The following PDZRN3 variants were observed in gnomAD, a reference collection of about 807,000 sequenced individuals.
PDZRN3 encodes the protein PDZ domain containing ring finger 3, also known as E3 ubiquitin-protein ligase PDZRN3.
In PDZRN3, 38 loss-of-function variants were observed where a neutral mutation model predicts 85.7. That is an observed-to-expected ratio of 0.44 (90% confidence interval 0.34 to 0.58). The LOEUF (loss-of-function observed/expected upper bound fraction) is 0.58, where lower values mean the gene tolerates loss of function less well. Ranked by LOEUF, PDZRN3 falls within the 20% of genes least tolerant of loss-of-function variation. The probability of loss-of-function intolerance (pLI) is 0.01; values close to 1 mark genes in which losing one functional copy is unlikely to be tolerated. For synonymous variants in PDZRN3, 759 were observed against 638.0 expected, an observed-to-expected ratio of 1.19 and a Z score of -2.86; for missense variants, 1,629 against 1,506.4, an observed-to-expected ratio of 1.08 and a Z score of -1.35.
At position 73,571,557 on chromosome 3, in the gene PDZRN3, C is replaced by T. The variant is rs897928338; in HGVS notation, c.918+30797G>A. Among the ~76,000 whole-genome samples, 18 of 152,292 alleles carry T rather than the reference C, an allele frequency of 1.2e-4. No individual in the cohort carries two copies. In the South Asian group the frequency reaches 3.1e-3, roughly 26 times the overall value. On this transcript the variant is annotated intron_variant, in intron 3 of 9. Transcript: ENST00000263666. ...CAAGGGTAAAATCCTTAAGTAAACA[C>T]GTTCCACAGGGGCTGTGCTAAAGTA...
chr3:73,576,751 TA>T (rs1250567156), intron 3 of PDZRN3, among the ~76,000 whole-genome samples: 1 of 152,208 alleles, frequency 6.6e-6, no homozygotes, highest in Non-Finnish European at 1.5e-5. Context: ...CCCTGTGTGC[TA>T]AAAAAGTGGG....
intron 3 of PDZRN3, chr3:73,474,649 T>C (rs1575678185): frequency 2.6e-6 from 3 of 1,175,586 alleles, no homozygotes; most frequent in African/African-American, 3.2e-5. Flanking sequence ...GTGGCAAGGG[T>C]GTACACTTTT....
At chr3:73,525,788 C>A (rs907989801) in intron 3 of PDZRN3, among the ~76,000 whole-genome samples, 2 of 152,152 alleles carry the variant, frequency 1.3e-5, no homozygotes, top group African/African-American at 4.8e-5. Flanking sequence ...ACCCCCTCAG[C>A]GAGGGCTTCC....
chr3:73,419,224 G>C (rs1170875580), intron 3 of PDZRN3, among the ~76,000 whole-genome samples: 2 of 152,200 alleles, frequency 1.3e-5, no homozygotes, highest in Non-Finnish European at 1.5e-5. Flanking sequence ...GTTTTTCAGA[G>C]AGAGAGAGGG....
Position 73,384,064 on chromosome 3 carries a change from G to A in PDZRN3, c.2502C>T (p.Pro834=). The change falls in exon 10 of 10, where the codon CCC becomes CCT. Residue 834 remains proline (P), a synonymous_variant. Transcript: ENST00000263666. ...TGGCTCTCCGCTCTTTGCTTTCCAG[G>A]GGCTGGTTGGGGTCCAGCTCCTTCA... ...PSLKELDPNQ[P]LESKERRASD... 2 of 1,608,994 alleles carry A rather than the reference G, an allele frequency of 1.2e-6. No individual in the cohort carries two copies. The highest frequency in any genetic ancestry group is 1.7e-6 in the Non-Finnish European group (2 of 1,177,766).
chr3:73,425,006 C>A (rs1702283294), intron 3 of PDZRN3, among the ~76,000 whole-genome samples: 1 of 147,694 alleles, frequency 6.8e-6, no homozygotes, highest in East Asian at 2.1e-4. Context: ...CTCATCCACT[C>A]ATCCATCAGT....
intron 3 of PDZRN3, among the ~76,000 whole-genome samples, chr3:73,520,190 G>C (rs1704330536): frequency 2.0e-5 from 3 of 152,036 alleles, no homozygotes. Flanking sequence ...ATATCTTTGG[G>C]GCTGCTAATT....
chr3:73,447,798 C>T (rs1191506022), intron 3 of PDZRN3, among the ~76,000 whole-genome samples: 1 of 152,202 alleles, frequency 6.6e-6, no homozygotes, highest in Non-Finnish European at 1.5e-5. Flanking sequence ...CTAAAGACCA[C>T]CACCTGCCTT....
At chr3:73,569,051 A>G (rs998732827) in intron 3 of PDZRN3, 3 of 585,340 alleles carry the variant, frequency 5.1e-6, no homozygotes, top group Non-Finnish European at 8.6e-6. Flanking sequence ...CTGAGGTCCT[A>G]TGAAGTAAAA....
intron 8 of PDZRN3, among the ~76,000 whole-genome samples, chr3:73,386,455 A>G (rs1701389699): frequency 6.6e-6 from 1 of 151,892 alleles, no homozygotes. Context: ...CAGCCTCCCA[A>G]CATGCTGGGA....
chr3:73,386,133 C>G (rs1243701036), intron 8 of PDZRN3, among the ~76,000 whole-genome samples: 1 of 150,634 alleles, frequency 6.6e-6, no homozygotes. Context: ...GGACCAGACA[C>G]GAGTTTAACA....
At chr3:73,477,557 T>C (rs1343855737) in intron 3 of PDZRN3, among the ~76,000 whole-genome samples, 1 of 152,160 alleles carries the variant, frequency 6.6e-6, no homozygotes, top group Non-Finnish European at 1.5e-5. Context: ...AAAAATGTTC[T>C]CCAACATTCA....
intron 3 of PDZRN3, among the ~76,000 whole-genome samples, chr3:73,582,041 A>T (rs1702210183): frequency 1.3e-5 from 2 of 151,674 alleles, no homozygotes; most frequent in Admixed American, 1.3e-4. Flanking sequence ...TTGAGGCTGC[A>T]CTGAACCGAG....
chr3:73,479,895 G>C (rs1349359020), intron 3 of PDZRN3, among the ~76,000 whole-genome samples: 1 of 152,154 alleles, frequency 6.6e-6, no homozygotes, highest in African/African-American at 2.4e-5. Flanking sequence ...GGGGGTAGAT[G>C]ATGAGGGGAA....
chr3:73,403,325 C>T (rs1052417253), intron 4 of PDZRN3, among the ~76,000 whole-genome samples: 5 of 152,178 alleles, frequency 3.3e-5, no homozygotes, highest in African/African-American at 1.2e-4. Context: ...TCTTGCTCTT[C>T]ATTTTTTCCT....
intron 3 of PDZRN3, among the ~76,000 whole-genome samples, chr3:73,464,770 C>A (rs1435971451): frequency 2.0e-5 from 3 of 152,158 alleles, no homozygotes; most frequent in African/African-American, 7.2e-5. Context: ...ATGCATTTAT[C>A]ATGTATGACA....
intron 3 of PDZRN3, among the ~76,000 whole-genome samples, chr3:73,597,428 T>G (rs1329661782): frequency 2.6e-5 from 4 of 152,186 alleles, no homozygotes; most frequent in Non-Finnish European, 5.9e-5. Context: ...GCAAGATGAA[T>G]GCATATTTAC....
intron 3 of PDZRN3, among the ~76,000 whole-genome samples, chr3:73,533,545 T>C (rs1274100950): frequency 1.3e-5 from 2 of 151,978 alleles, no homozygotes; most frequent in Admixed American, 1.3e-4. Context: ...CTTTAAAAAA[T>C]TGTTTTTTTT....
At chr3:73,428,097 CCAGGGCAGATGAG>C (rs1215214533) in intron 3 of PDZRN3, among the ~76,000 whole-genome samples, 8 of 152,052 alleles carry the variant, frequency 5.3e-5, no homozygotes, top group Non-Finnish European at 1.2e-4. Context: ...GCCTGCAGGA[CCAGGGCAGATGAG>C]CAGGGCAGGA....
Sources: allele counts gnomAD v4.1 joint callset (sites outside exome capture counted in the v4.1 genomes callset), GRCh38; gene constraint gnomAD v4.1.1; transcripts MANE v1.5; gene names NCBI Gene and HGNC (gene_info 2026-07-23, HGNC 2026-07-21).